The following NEB variants were observed in gnomAD, a reference collection of about 807,000 sequenced individuals.
NEB encodes nemaline myopathy type 2.
In NEB, 512 loss-of-function variants were observed where a neutral mutation model predicts 952.2. The ratio of observed to expected loss-of-function variants is 0.54; its 90% CI spans 0.50 to 0.58. The LOEUF (loss-of-function observed/expected upper bound fraction) is 0.58, where lower values mean the gene tolerates loss of function less well. Ranked by LOEUF, NEB falls within the 20% of genes least tolerant of loss-of-function variation. The pLI is 0.00. For synonymous variants in NEB, 2,900 were observed against 3,149.8 expected (o/e 0.92, Z 2.66); for missense variants, 8,428 against 9,231.1 (o/e 0.91, Z 3.56).
intron 52 of NEB, among the ~76,000 whole-genome samples, chr2:151,653,459 T>G (rs2099053021): frequency 6.6e-6 from 1 of 152,196 alleles, no homozygotes; most frequent in African/African-American, 2.4e-5. Context: ...AAAGAAGAGT[T>G]AAGTAAGCCC....
chr2:151,717,563 GC>G lies in NEB; in HGVS notation c.718-44del, dbSNP rs2150353454. On this transcript the variant is annotated intron_variant, in intron 9 of 181. Coordinates refer to ENST00000397345, the MANE Select transcript of NEB (RefSeq NM_001164508.2). ...AGGGATGTATTTTAAAAACGATTAT[GC>G]TTTCATCTTTATTTGAAGTCTTAAA... The G allele has an allele frequency of 2.2e-6, 3 of 1,387,938 alleles. No individual in the cohort carries two copies. In the East Asian group the frequency reaches 6.9e-5, roughly 32 times the overall value. The allele number at this position is 1,387,938 out of a possible 1,614,324, so 86.0% of individuals were successfully genotyped here.
At chr2:151,561,727 G>C (rs768775701) in intron 121 of NEB, among the ~76,000 whole-genome samples, 145 of 151,948 alleles carry the variant, frequency 9.5e-4, no homozygotes, top group African/African-American at 3.3e-3. Context: ...GCTGAACCAC[G>C]TGCTGAAAAG....
In NEB at chr2:151,697,336, G is replaced by C. The variant is rs750849844; in HGVS notation, c.1365+14C>G. ...ATGTTATTTGGAAAGTCAAACAATT[G>C]TCTTAGAACTTACATCACTGTTTTG... On this transcript the variant is annotated intron_variant, in intron 15 of 181. Transcript: ENST00000397345. 2.5e-6 allele frequency: 4 copies of C among 1,611,768 alleles called. No homozygotes were observed. Among genetic ancestry groups the C allele is most frequent in the Non-Finnish European group, 3.4e-6 (4 of 1,177,924 alleles).
At chr2:151,686,511 G>C (rs553367472) in intron 27 of NEB, among the ~76,000 whole-genome samples, 6 of 152,248 alleles carry the variant, frequency 3.9e-5, no homozygotes, top group African/African-American at 1.4e-4. Flanking sequence ...ATATAAGTGA[G>C]CACTATATAC....
At chr2:151,674,454 C>A in intron 36 of NEB, 23 bp downstream of exon 36, 1 of 1,586,900 alleles carries the variant, frequency 6.3e-7, no homozygotes, top group Non-Finnish European at 8.7e-7. Flanking sequence ...AACACCTAAA[C>A]TTCACCTAAA....
At chr2:151,664,903 CAA>C (rs2099192867) in intron 42 of NEB, 40 bp from the exon 43 acceptor site, 2 of 1,430,846 alleles carry the variant, frequency 1.4e-6, no homozygotes, top group Non-Finnish European at 1.9e-6. Flanking sequence ...TACAGCAGGA[CAA>C]GTTTGACCCA....
chr2:151,563,128 C>T (rs1229076599), intron 119 of NEB, among the ~76,000 whole-genome samples: 1 of 150,930 alleles, frequency 6.6e-6, no homozygotes, highest in Non-Finnish European at 1.5e-5. Context: ...AATTCTCATG[C>T]CTCAGCATCC....
intron 156 of NEB, among the ~76,000 whole-genome samples, chr2:151,517,046 A>T (rs1178100223): frequency 6.6e-6 from 1 of 152,228 alleles, no homozygotes; most frequent in Non-Finnish European, 1.5e-5. Context: ...TTTATTTATA[A>T]GTAAACAACT....
At chr2:151,558,398 C>T (rs2095804550) in intron 124 of NEB, among the ~76,000 whole-genome samples, 1 of 152,138 alleles carries the variant, frequency 6.6e-6, no homozygotes, top group Non-Finnish European at 1.5e-5. Flanking sequence ...ATTCTATGCT[C>T]ATGGATAGGA....
chr2:151,520,034 CAAAACA>C, intron 153 of NEB: 1 of 148,152 alleles, frequency 6.7e-6, no homozygotes, highest in Non-Finnish European at 1.2e-5. Context: ...CTTTCTAATG[CAAAACA>C]AAAAAAAAAA....
Position 151,531,003 on chromosome 2 carries a change from T to C in NEB, c.21621A>G (p.Glu7207=). The C allele has an allele frequency of 6.2e-7, 1 of 1,610,568 alleles. No homozygotes were observed. The highest frequency in any genetic ancestry group is 8.5e-7 in the Non-Finnish European group (1 of 1,177,164). ...CCATTCTAGTACTTACATCACTGAC[T>C]TCATCTTTAACCTTGCGGACATGCA... ...MLLHVRKVKD[E]VSDLKYKEVY... The change falls in exon 145 of 182, where the codon GAA becomes GAG. Residue 7207 remains glutamate (E), a synonymous_variant. Transcript: ENST00000397345.
intron 10 of NEB, among the ~76,000 whole-genome samples, chr2:151,710,914 G>A (rs183605677): frequency 2.2e-4 from 33 of 152,282 alleles, no homozygotes; most frequent in Admixed American, 5.9e-4. Context: ...GAACTTAGCC[G>A]TTAATTTCTA....
chr2:151,499,300 A>C lies in NEB; in HGVS notation c.24112T>G (p.Ser8038Ala), dbSNP rs2062666602. ...AGGGATTTTTTATTTTTAAATACCG[A>C]ACTAAAGTTTTCTTGATTGTGTTTG... ...RVKHNQENFS[S>A]VLYKENLGTG... Residue 8038 changes from serine to alanine, a missense_variant and splice_region_variant, in exon 169 of 182, where the codon TCG becomes GCG. Transcript: ENST00000397345. The C allele has an allele frequency of 6.8e-7, 1 of 1,475,564 alleles. No individual in the cohort carries two copies. The highest frequency in any genetic ancestry group is 9.2e-7 in the Non-Finnish European group (1 of 1,091,318). The allele number at this position is 1,475,564 out of a possible 1,614,324, so 91.4% of individuals were successfully genotyped here.
At chr2:151,540,470 G>A (rs2093891204) in intron 137 of NEB, 22 bp from the exon 138 acceptor site, 1 of 1,520,120 alleles carries the variant, frequency 6.6e-7, no homozygotes, top group South Asian at 1.2e-5. Context: ...ATGCAGAAGA[G>A]AGAGACAAGC....
intron 129 of NEB, 106 bp from the exon 130 acceptor site, chr2:151,549,846 A>C: frequency 1.5e-6 from 1 of 672,300 alleles, no homozygotes. Flanking sequence ...CTAGATACTT[A>C]ATACACTTAT....
chr2:151,493,032 T>G (rs1255214917), intron 176 of NEB: 3 of 265,650 alleles, frequency 1.1e-5, no homozygotes. Context: ...AGATTGAGGA[T>G]GTTAGGAAGT....
Position 151,672,372 on chromosome 2 carries a change from A to G in NEB, c.4296T>C (p.Ser1432=). ...GTCTGTTGTTACACATACTTACATC[A>G]CTCTGAATTTGATTGACATTCCTCG... ...EHTRNVNQIQ[S]DNVYKDEYNS... Residue 1432 remains serine (S), a synonymous_variant, in exon 37 of 182, where the codon AGT becomes AGC. Transcript: ENST00000397345. 6.3e-7 allele frequency: 1 copy of G among 1,590,224 alleles called. No individual in the cohort carries two copies. Among genetic ancestry groups the G allele is most frequent in the Non-Finnish European group, 8.6e-7 (1 of 1,165,016 alleles).
In NEB at chr2:151,493,410, C is replaced by CG; in HGVS notation, c.24707dup (p.Thr8237AspfsTer11). On this transcript the variant is annotated frameshift_variant, in exon 176 of 182. Coordinates refer to ENST00000397345, the MANE Select transcript of NEB (RefSeq NM_001164508.2). LOFTEE classifies it high-confidence loss of function. ...TCTCCATCTCTGGAGTAACAGGTGTCGGAGTTGCTTTTCTCATGTTCTCTT... is the reference window on the plus strand; with the variant it reads ...TCTCCATCTCTGGAGTAACAGGTGTCGGGAGTTGCTTTTCTCATGTTCTCTT... 1 of 1,607,026 alleles carries CG rather than the reference C, an allele frequency of 6.2e-7. No homozygotes were observed. Among genetic ancestry groups the CG allele is most frequent in the Non-Finnish European group, 8.5e-7 (1 of 1,177,626 alleles).
chr2:151,627,074 C>T lies in NEB; in HGVS notation c.10275G>A (p.Lys3425=), dbSNP rs1205545857. 2.3e-5 allele frequency: 37 copies of T among 1,613,948 alleles called. No homozygotes were observed. Among genetic ancestry groups the T allele is most frequent in the Non-Finnish European group, 3.1e-5 (37 of 1,179,876 alleles). Residue 3425 remains lysine (K), a synonymous_variant, in exon 70 of 182, where the codon AAG becomes AAA. Coordinates refer to ENST00000397345, the MANE Select transcript of NEB (RefSeq NM_001164508.2). ...AGTCAGTCACACTGGTAAATTTCAG[C>T]TTGTCCGGAGGCTGGCGGTAGATGT... The part of the protein sequence containing the change: ...SDNIYRQPPD[K]LKFTSVTDSL...
Sources: gnomAD v4.1 joint callset for allele counts (sites outside exome capture counted in the v4.1 genomes callset) on GRCh38, gnomAD v4.1.1 for gene constraint, MANE v1.5 for transcripts, NCBI Gene and HGNC (gene_info 2026-07-23, HGNC 2026-07-21) for gene names.